CAMTA1: variants seen among roughly 807,000 people sequenced by gnomAD.
The protein encoded by CAMTA1 is calmodulin binding transcription activator 1, also known as calmodulin-binding transcription activator 1.
CAMTA1 carries 27 observed loss-of-function variants against 170.9 expected under a neutral mutation model. The observed-to-expected ratio is 0.16, with a 90% CI of 0.12 to 0.22. The LOEUF (loss-of-function observed/expected upper bound fraction) is 0.22. CAMTA1 is among the 10% of genes least tolerant of loss of function. CAMTA1 has a pLI of 1.00. For missense variants in CAMTA1, 1,619 were observed against 2,217.2 expected (o/e 0.73, Z 5.42); for synonymous variants, 833 against 891.5 (o/e 0.93, Z 1.17).
intron 4 of CAMTA1, among the ~76,000 whole-genome samples, chr1:7,145,258 G>T (rs192376259): frequency 6.6e-4 from 101 of 152,344 alleles, no homozygotes; most frequent in African/African-American, 2.3e-3. Flanking sequence ...CTCCTCTGCG[G>T]CTTATGTGGG....
chr1:7,386,914 G>A (rs1179227615), intron 5 of CAMTA1, among the ~76,000 whole-genome samples: 1 of 152,206 alleles, frequency 6.6e-6, no homozygotes, highest in African/African-American at 2.4e-5. Context: ...CGCTGGTGAC[G>A]TTCAGTGCTG....
chr1:7,008,963 C>G (rs1026364726), intron 3 of CAMTA1, among the ~76,000 whole-genome samples: 1 of 152,224 alleles, frequency 6.6e-6, no homozygotes, highest in Non-Finnish European at 1.5e-5. Context: ...TGCTGGCTTC[C>G]AATGGGGAAG....
At chr1:7,340,111 C>G (rs1361976154) in intron 5 of CAMTA1, among the ~76,000 whole-genome samples, 6 of 152,232 alleles carry the variant, frequency 3.9e-5, no homozygotes, top group African/African-American at 1.4e-4. Flanking sequence ...GTTGCATCAA[C>G]TCAACTTTGC....
chr1:7,137,433 C>T (rs1054994485), intron 4 of CAMTA1, among the ~76,000 whole-genome samples: 17 of 152,342 alleles, frequency 1.1e-4, no homozygotes, highest in African/African-American at 4.1e-4. Flanking sequence ...GCCCAACAGA[C>T]CTTACGTCCA....
intron 4 of CAMTA1, among the ~76,000 whole-genome samples, chr1:7,180,549 C>A (rs547840464): frequency 6.8e-6 from 1 of 147,814 alleles, no homozygotes; most frequent in African/African-American, 2.5e-5. Flanking sequence ...ACCGGGCCCC[C>A]CTCTATCATC....
chr1:6,920,623 C>G (rs1681798004), intron 3 of CAMTA1, among the ~76,000 whole-genome samples: 1 of 152,258 alleles, frequency 6.6e-6, no homozygotes, highest in Admixed American at 6.5e-5. Context: ...GGTCCCACCC[C>G]TGCAGCAAAC....
At chr1:7,030,274 T>C (rs375421196) in intron 3 of CAMTA1, among the ~76,000 whole-genome samples, 51 of 152,328 alleles carry the variant, frequency 3.3e-4, no homozygotes, top group East Asian at 2.3e-3. Flanking sequence ...TTCAAGGGGA[T>C]ATATTTTAAT....
chr1:7,638,645 G>GA lies in CAMTA1; in HGVS notation c.511-1745dup, dbSNP rs371977192. Among the ~76,000 whole-genome samples, 1,175 of 147,184 alleles carry GA rather than the reference G, an allele frequency of 8.0e-3. 15 individuals carry two copies. Among genetic ancestry groups the GA allele is most frequent in the African/African-American group, 0.028 (1,121 of 40,158 alleles). ...TGACACAGCAAGACCCTGTCTAAAG[G>GA]AAAAAAAAAAGGTTCAAGAAATACC... On this transcript the variant is annotated intron_variant, in intron 6 of 22. Transcript: ENST00000303635.
intron 6 of CAMTA1, among the ~76,000 whole-genome samples, chr1:7,499,764 GTT>G (rs1327114656): frequency 1.5e-5 from 2 of 131,954 alleles, no homozygotes; most frequent in African/African-American, 6.0e-5. Flanking sequence ...GTGTGAGCCT[GTT>G]GTGAGTGTGT....
At chr1:7,164,961 C>T (rs1490485836) in intron 4 of CAMTA1, among the ~76,000 whole-genome samples, 2 of 152,176 alleles carry the variant, frequency 1.3e-5, no homozygotes, top group African/African-American at 4.8e-5. Context: ...TTGTCCCTTT[C>T]GGAATTGTCA....
intron 5 of CAMTA1, among the ~76,000 whole-genome samples, chr1:7,367,468 C>T (rs1013147026): frequency 6.6e-6 from 1 of 152,252 alleles, no homozygotes. Context: ...GAGGCCGGCT[C>T]AGCAGGTGGA....
intron 3 of CAMTA1, among the ~76,000 whole-genome samples, chr1:6,877,371 C>CTT (rs995811583): frequency 6.6e-6 from 1 of 152,126 alleles, no homozygotes; most frequent in African/African-American, 2.4e-5. Context: ...TTTAACCCTG[C>CTT]TTGAGGCTTT....
chr1:6,995,283 T>C (rs1453930376), intron 3 of CAMTA1, among the ~76,000 whole-genome samples: 2 of 142,786 alleles, frequency 1.4e-5, no homozygotes, highest in East Asian at 2.0e-4. Context: ...TTTAAAATCT[T>C]TTTTTTCTTT....
chr1:7,426,981 C>T lies in CAMTA1; in HGVS notation c.439-40849C>T, dbSNP rs1334441179. On this transcript the variant is annotated intron_variant, in intron 5 of 22. Coordinates refer to ENST00000303635, the MANE Select transcript of CAMTA1 (RefSeq NM_015215.4). The surrounding 1 kb of genome is among the most constrained non-coding windows in gnomAD (Gnocchi z 4.8). ...GGCGTTCAGAATCGTGTTTTCCTTA[C>T]TCAACATTCCCAGGTGTCGTCCCCT... 6.6e-6 allele frequency among the ~76,000 whole-genome samples: 1 copy of T among 152,134 alleles called. No homozygotes were observed. The highest frequency in any genetic ancestry group is 1.5e-5 in the Non-Finnish European group (1 of 68,040).
intron 5 of CAMTA1, among the ~76,000 whole-genome samples, chr1:7,287,088 G>A (rs1672450358): frequency 6.6e-6 from 1 of 152,160 alleles, no homozygotes; most frequent in African/African-American, 2.4e-5. Context: ...ACTTTTTTTG[G>A]AAGATCAGAG....
chr1:7,557,216 G>A (rs1358015969), intron 6 of CAMTA1, among the ~76,000 whole-genome samples: 1 of 151,964 alleles, frequency 6.6e-6, no homozygotes, highest in African/African-American at 2.4e-5. Context: ...GCTGAGGCAG[G>A]AGAATTGCTT....
At chr1:6,787,814 G>A (rs1462773307) in intron 1 of CAMTA1, among the ~76,000 whole-genome samples, 1 of 152,220 alleles carries the variant, frequency 6.6e-6, no homozygotes, top group Non-Finnish European at 1.5e-5. Flanking sequence ...GAATTTAGGG[G>A]TGGTATTCGT....
chr1:7,123,637 G>A (rs1644770247), intron 4 of CAMTA1, among the ~76,000 whole-genome samples: 1 of 152,178 alleles, frequency 6.6e-6, no homozygotes, highest in African/African-American at 2.4e-5. Flanking sequence ...TGGGCACCCA[G>A]CCTGGGTAGT....
At chr1:6,881,100 C>T (rs909983768) in intron 3 of CAMTA1, among the ~76,000 whole-genome samples, 1 of 152,160 alleles carries the variant, frequency 6.6e-6, no homozygotes, top group Admixed American at 6.5e-5. Flanking sequence ...CTCAGTGTCA[C>T]ATAGCTAGTA....
Sources: gnomAD v4.1 joint callset for allele counts (sites outside exome capture counted in the v4.1 genomes callset) on GRCh38, gnomAD v4.1.1 for gene constraint, Gnocchi (gnomAD v3.1) non-coding constraint, MANE v1.5 for transcripts, NCBI Gene and HGNC (gene_info 2026-07-23, HGNC 2026-07-21) for gene names.